The following SND1 variants were observed in gnomAD, a reference collection of about 807,000 sequenced individuals.
The protein encoded by SND1 is staphylococcal nuclease and tudor domain containing 1.
A neutral mutation model predicts 121.7 loss-of-function variants in SND1; 38 were observed. That is an observed-to-expected ratio of 0.31 (90% CI 0.24 to 0.41). The LOEUF (loss-of-function observed/expected upper bound fraction) is 0.41. SND1 is among the 10% of genes least tolerant of loss of function. The pLI, the probability that SND1 is intolerant of heterozygous loss-of-function variation, is 1.00. For missense variants in SND1, 868 were observed against 1,184.6 expected, an observed-to-expected ratio of 0.73 and a Z score of 3.92; for synonymous variants, 401 against 447.4, an observed-to-expected ratio of 0.90 and a Z score of 1.31.
intron 15 of SND1, among the ~76,000 whole-genome samples, chr7:127,981,284 A>T (rs80018587): frequency 0.013 from 1,989 of 151,650 alleles, 22 homozygotes; most frequent in Middle Eastern, 0.024. Context: ...AAAAAAAAAA[A>T]TTTTTGAAAG....
At position 127,868,765 on chromosome 7, in the gene SND1, C is replaced by T. The variant is rs549318713; in HGVS notation, c.1344-19137C>T. On this transcript the variant is annotated intron_variant, in intron 12 of 23. Transcript: ENST00000354725. The stretch of plus-strand genomic sequence containing the variant: ...TCCAAATGTAAGTAAAACTCAACCT[C>T]ATTTGCATGTAATCTCCAAATTGCA... 1.2e-3 allele frequency among the ~76,000 whole-genome samples: 190 copies of T among 152,326 alleles called. 1 individual carries two copies. Among genetic ancestry groups the T allele is most frequent in the African/African-American group, 4.4e-3 (182 of 41,576 alleles).
chr7:127,944,992 T>TA (rs1413284798), intron 15 of SND1, among the ~76,000 whole-genome samples: 1 of 152,188 alleles, frequency 6.6e-6, no homozygotes, highest in Non-Finnish European at 1.5e-5. Flanking sequence ...CCCTCCTGAC[T>TA]ACATCCCCCT....
intron 10 of SND1, among the ~76,000 whole-genome samples, chr7:127,780,533 A>C (rs192845845): frequency 5.5e-4 from 83 of 152,230 alleles, no homozygotes; most frequent in African/African-American, 1.9e-3. Context: ...TAATTTCAGC[A>C]TTGTTGTATT....
rs144450243 is a variant in SND1 at position 127,853,914 on chromosome 7, C to T, written c.1343+9490C>T. 3.0e-4 allele frequency among the ~76,000 whole-genome samples: 45 copies of T among 152,198 alleles called. No homozygotes were observed. In the East Asian group the frequency reaches 5.8e-3, roughly 20 times the overall value. The stretch of plus-strand genomic sequence containing the variant: ...GAGTGTGATTTCTAATTAATTACTC[C>T]GATGATGACCCTAAAGCCTACTCAC... On this transcript the variant is annotated intron_variant, in intron 12 of 23. Coordinates refer to ENST00000354725, the MANE Select transcript of SND1 (RefSeq NM_014390.4).
At chr7:127,687,142 A>G (rs1795827294) in intron 2 of SND1, 1 of 162,926 alleles carries the variant, frequency 6.1e-6, no homozygotes, top group Non-Finnish European at 1.3e-5. Context: ...TACATTGTTC[A>G]GAATGCAGAA....
Position 127,686,767 on chromosome 7 carries a change from G to T in SND1, c.228+5G>T. ...GCAAAGGATACCCCTGATGAGGTAG[G>T]TGTTTCCTGAGGCCATCGTGAGCCT... On this transcript the variant is annotated splice_donor_5th_base_variant and intron_variant, in intron 2 of 23. Coordinates refer to ENST00000354725, the MANE Select transcript of SND1 (RefSeq NM_014390.4). 2.5e-6 allele frequency: 4 copies of T among 1,611,598 alleles called. No homozygotes were observed. The highest frequency in any genetic ancestry group is 3.4e-6 in the Non-Finnish European group (4 of 1,177,952).
intron 17 of SND1, among the ~76,000 whole-genome samples, chr7:128,076,656 C>T (rs1793511358): frequency 6.6e-6 from 1 of 152,206 alleles, no homozygotes. Flanking sequence ...CAAGGGCTGC[C>T]TTACCTGTCA....
At chr7:127,720,291 C>T (rs1163810341) in intron 9 of SND1, among the ~76,000 whole-genome samples, 1 of 152,148 alleles carries the variant, frequency 6.6e-6, no homozygotes, top group Non-Finnish European at 1.5e-5. Context: ...TCTGGTAGCT[C>T]TTAAAGAGGC....
At position 128,081,512 on chromosome 7, in the gene SND1, A is replaced by G. The variant is rs1235965610; in HGVS notation, c.2110+11A>G. On this transcript the variant is annotated intron_variant, in intron 18 of 23. Coordinates refer to ENST00000354725, the MANE Select transcript of SND1 (RefSeq NM_014390.4). ...AGGATGTGGAGACCGGTGAGTGCTC[A>G]GGCCGCTGGCTCGTGGTTCCTGGCT... is the stretch of plus-strand genomic sequence containing the variant. 4 of 1,613,152 alleles carry G rather than the reference A, an allele frequency of 2.5e-6. No homozygotes were observed. The highest frequency in any genetic ancestry group is 3.4e-6 in the Non-Finnish European group (4 of 1,179,804).
intron 16 of SND1, among the ~76,000 whole-genome samples, chr7:128,064,943 G>C (rs1489640617): frequency 6.6e-6 from 1 of 152,230 alleles, no homozygotes; most frequent in African/African-American, 2.4e-5. Flanking sequence ...GGTCTTTGAA[G>C]TAATAGTGAC....
At chr7:127,764,053 C>A (rs13240349) in intron 10 of SND1, among the ~76,000 whole-genome samples, 43,639 of 128,964 alleles carry the variant, frequency 0.34, 8,070 homozygotes, top group Admixed American at 0.42. Flanking sequence ...AAAAAAAAAA[C>A]AAAAAAACAA....
chr7:127,785,305 T>G (rs773896084), intron 10 of SND1, among the ~76,000 whole-genome samples: 2 of 152,220 alleles, frequency 1.3e-5, no homozygotes, highest in Non-Finnish European at 2.9e-5. Flanking sequence ...GGGCTAGTCA[T>G]GAAGCCCTCC....
At chr7:127,693,629 A>G (rs781149106) in intron 2 of SND1, among the ~76,000 whole-genome samples, 2 of 152,228 alleles carry the variant, frequency 1.3e-5, no homozygotes, top group Non-Finnish European at 2.9e-5. Flanking sequence ...CTTTCAGGCC[A>G]TCAGTTTACT....
At chr7:127,804,389 T>G (rs939629983) in intron 10 of SND1, among the ~76,000 whole-genome samples, 6 of 152,104 alleles carry the variant, frequency 3.9e-5, no homozygotes, top group Non-Finnish European at 7.4e-5. Context: ...TTGGGATGTT[T>G]GTTGATACAC....
At chr7:127,931,252 G>T (rs1800951172) in intron 15 of SND1, among the ~76,000 whole-genome samples, 1 of 152,142 alleles carries the variant, frequency 6.6e-6, no homozygotes, top group South Asian at 2.1e-4. Flanking sequence ...AGAAATTGAA[G>T]CAGCCTTATT....
At chr7:127,689,210 C>G (rs1180120394) in intron 2 of SND1, among the ~76,000 whole-genome samples, 1 of 152,202 alleles carries the variant, frequency 6.6e-6, no homozygotes, top group Non-Finnish European at 1.5e-5. Flanking sequence ...GTAATCACTA[C>G]TACTGCTTGC....
chr7:128,030,589 G>A (rs1584749641), intron 16 of SND1: 1 of 1,599,558 alleles, frequency 6.3e-7, no homozygotes, highest in East Asian at 2.2e-5. Context: ...AACGGGAGCA[G>A]GATGGCATTC....
chr7:127,885,185 T>C (rs1799872596), intron 12 of SND1, among the ~76,000 whole-genome samples: 1 of 152,132 alleles, frequency 6.6e-6, no homozygotes, highest in African/African-American at 2.4e-5. Context: ...GCCCCTGCCC[T>C]CACAGTGTTT....
intron 13 of SND1, among the ~76,000 whole-genome samples, chr7:127,900,288 C>G (rs1045776196): frequency 6.6e-5 from 10 of 152,096 alleles, no homozygotes; most frequent in Non-Finnish European, 2.9e-5. Context: ...TTTGTAAGCT[C>G]ACAAAAATAT....
Sources: gnomAD v4.1 joint callset for allele counts (sites outside exome capture counted in the v4.1 genomes callset) on GRCh38, gnomAD v4.1.1 for gene constraint, MANE v1.5 for transcripts, NCBI Gene and HGNC (gene_info 2026-07-23, HGNC 2026-07-21) for gene names.